The following MAMDC2 variants were observed in gnomAD, a reference collection of about 807,000 sequenced individuals.
MAMDC2 encodes the protein MAM domain-containing protein 2.
MAMDC2 carries 57 observed loss-of-function variants against 89.8 expected under a neutral mutation model. The ratio of observed to expected loss-of-function variants is 0.63; its 90% CI spans 0.51 to 0.79. MAMDC2 has a LOEUF of 0.79. Ranked by LOEUF, MAMDC2 falls within the 30% of genes least tolerant of loss-of-function variation. MAMDC2 has a pLI of 0.00. For synonymous variants in MAMDC2, 313 were observed against 293.4 expected (o/e 1.07, Z -0.68); for missense variants, 800 against 820.6 (o/e 0.97, Z 0.31).
chr9:70,109,448 C>T (rs1164307055), intron 3 of MAMDC2: 4 of 375,974 alleles, frequency 1.1e-5, no homozygotes, highest in Middle Eastern at 1.2e-3. Context: ...GAAGAAAAGA[C>T]AGCTGACTCT....
At chr9:70,068,959 A>C (rs1827335406) in intron 2 of MAMDC2, among the ~76,000 whole-genome samples, 1 of 152,218 alleles carries the variant, frequency 6.6e-6, no homozygotes, top group South Asian at 2.1e-4. Flanking sequence ...GATATAAGGC[A>C]AAGCCTCAAA....
chr9:70,186,375 G>C (rs572028562), intron 11 of MAMDC2, among the ~76,000 whole-genome samples: 24 of 152,074 alleles, frequency 1.6e-4, no homozygotes, highest in African/African-American at 5.8e-4. Flanking sequence ...GTTTGTCTGG[G>C]AATGTCTTTT....
At chr9:70,055,203 T>A (rs1305548308) in intron 2 of MAMDC2, among the ~76,000 whole-genome samples, 1 of 147,374 alleles carries the variant, frequency 6.8e-6, no homozygotes, top group Admixed American at 6.7e-5. Context: ...GAGATAGTTA[T>A]GCAATAGCTT....
rs1345465671 is a variant in MAMDC2 at position 70,210,043 on chromosome 9, G to C, written c.1652-8294G>C. On this transcript the variant is annotated intron_variant, in intron 11 of 13. Transcript: ENST00000377182. ...GTTCTTTTACATTTGCTGAGGAATG[G>C]TTTACTTCCAACTATGTGGTCAATT... 3.7e-4 allele frequency among the ~76,000 whole-genome samples: 57 copies of C among 152,078 alleles called. 1 individual carries two copies. Among genetic ancestry groups the C allele is most frequent in the Admixed American group, 3.7e-3 (57 of 15,232 alleles).
At chr9:70,156,944 C>T (rs1028490636) in intron 9 of MAMDC2, among the ~76,000 whole-genome samples, 4 of 152,176 alleles carry the variant, frequency 2.6e-5, no homozygotes, top group Non-Finnish European at 4.4e-5. Context: ...ATACTTTACA[C>T]GAACATAGTG....
At chr9:70,091,228 C>T (rs1237657189) in intron 2 of MAMDC2, among the ~76,000 whole-genome samples, 1 of 152,128 alleles carries the variant, frequency 6.6e-6, no homozygotes, top group Non-Finnish European at 1.5e-5. Context: ...GGAGAGTTGG[C>T]CCTGGAACAC....
chr9:70,058,055 T>C (rs1167230515), intron 2 of MAMDC2, among the ~76,000 whole-genome samples: 1 of 152,222 alleles, frequency 6.6e-6, no homozygotes, highest in East Asian at 1.9e-4. Flanking sequence ...AAGTGACATT[T>C]GCAAGCATTT....
At position 70,070,919 on chromosome 9, in the gene MAMDC2, GATAA is replaced by G. The variant is rs149911431; in HGVS notation, c.148+26226_148+26229del. Among the ~76,000 whole-genome samples the G allele has an allele frequency of 7.5e-3, 1,136 of 152,094 alleles. 20 individuals carry two copies. Among genetic ancestry groups the G allele is most frequent in the African/African-American group, 0.025 (1,024 of 41,486 alleles). ...ATATAACATCACTAAAAAGTATTTC[GATAA>G]ATAGTGTTGCTATTTGCAAGGCCTT... On this transcript the variant is annotated intron_variant, in intron 2 of 13. Transcript: ENST00000377182.
intron 11 of MAMDC2, among the ~76,000 whole-genome samples, chr9:70,187,520 A>G (rs1387290159): frequency 2.0e-5 from 3 of 152,128 alleles, no homozygotes; most frequent in Non-Finnish European, 2.9e-5. Flanking sequence ...AAATATACTC[A>G]TGAAGCTGTG....
intron 11 of MAMDC2, among the ~76,000 whole-genome samples, chr9:70,214,067 T>G (rs534537954): frequency 7.9e-5 from 12 of 152,154 alleles, no homozygotes; most frequent in African/African-American, 2.9e-4. Flanking sequence ...GACCTGGGAA[T>G]GTGGCAGTGA....
intron 11 of MAMDC2, chr9:70,217,581 T>G: frequency 6.2e-7 from 1 of 1,607,456 alleles, no homozygotes; most frequent in South Asian, 1.1e-5. Context: ...CAATGGCTAC[T>G]GCTAAGGCAC....
intron 10 of MAMDC2, 72 bp from the exon 11 acceptor site, chr9:70,170,407 A>T (rs1188811922): frequency 6.7e-7 from 1 of 1,503,296 alleles, no homozygotes; most frequent in Admixed American, 2.0e-5. Flanking sequence ...TCATACATGC[A>T]GAGTGGGCTG....
chr9:70,120,564 G>C (rs1040713842), intron 5 of MAMDC2, among the ~76,000 whole-genome samples: 5 of 152,160 alleles, frequency 3.3e-5, no homozygotes, highest in Non-Finnish European at 7.3e-5. Flanking sequence ...GATTCATCTC[G>C]AGCCTTCTCA....
intron 2 of MAMDC2, among the ~76,000 whole-genome samples, chr9:70,077,348 G>A (rs1411274379): frequency 6.6e-6 from 1 of 152,110 alleles, no homozygotes; most frequent in Non-Finnish European, 1.5e-5. Flanking sequence ...AAGGCCCAAG[G>A]TTATATCCAA....
chr9:70,204,511 TTGTC>T (rs1386409132), intron 11 of MAMDC2, among the ~76,000 whole-genome samples: 1 of 149,094 alleles, frequency 6.7e-6, no homozygotes. Context: ...GTCTTTTTGT[TTGTC>T]TGTGCCCTGC....
At chr9:70,203,268 C>G (rs1022201876) in intron 11 of MAMDC2, among the ~76,000 whole-genome samples, 3 of 151,994 alleles carry the variant, frequency 2.0e-5, no homozygotes, top group African/African-American at 7.3e-5. Flanking sequence ...CAAAATCGGT[C>G]AGCATTTGCT....
At chr9:70,072,346 A>G (rs1417943871) in intron 2 of MAMDC2, among the ~76,000 whole-genome samples, 1 of 152,198 alleles carries the variant, frequency 6.6e-6, no homozygotes, top group African/African-American at 2.4e-5. Context: ...CAAGTTTCCA[A>G]TGAGTACATT....
chr9:70,069,574 A>T (rs1480217473), intron 2 of MAMDC2, among the ~76,000 whole-genome samples: 1 of 152,248 alleles, frequency 6.6e-6, no homozygotes, highest in Non-Finnish European at 1.5e-5. Flanking sequence ...AAGTTTTAAC[A>T]TTGAAAGCTA....
At chr9:70,225,920 T>C (rs776196349) in intron 13 of MAMDC2, 48 bp from the exon 14 acceptor site, 1 of 1,464,558 alleles carries the variant, frequency 6.8e-7, no homozygotes, top group Non-Finnish European at 9.4e-7. Context: ...AATTAAATAT[T>C]TTTCTATAAT....
Sources: allele counts gnomAD v4.1 joint callset (sites outside exome capture counted in the v4.1 genomes callset), GRCh38; gene constraint gnomAD v4.1.1; transcripts MANE v1.5; gene names NCBI Gene and HGNC (gene_info 2026-07-23, HGNC 2026-07-21).